LAMA3: variants seen among roughly 807,000 people sequenced by gnomAD.
LAMA3 encodes laminin subunit alpha-3.
LAMA3 carries 281 observed loss-of-function variants against 402.0 expected under a neutral mutation model. The ratio of observed to expected loss-of-function variants is 0.70; its 90% CI spans 0.63 to 0.77. The LOEUF (loss-of-function observed/expected upper bound fraction) is 0.77, where lower values mean the gene tolerates loss of function less well. Ranked by LOEUF, LAMA3 falls within the 30% of genes least tolerant of loss-of-function variation. LAMA3 has a pLI of 0.00. For synonymous variants in LAMA3, 1,431 were observed against 1,558.4 expected (o/e 0.92, Z 1.93); for missense variants, 3,840 against 4,215.5 (o/e 0.91, Z 2.47).
rs111888232 is a variant in LAMA3 at position 23,748,189 on chromosome 18, A to G, written c.565+129A>G. On this transcript the variant is annotated intron_variant, in intron 3 of 74. Transcript: ENST00000313654. ...CACCCCTATAATCCCAGCATTTTGG[A>G]AGGCCAAGGCGGGTGGATTACCTGA... is the stretch of plus-strand genomic sequence containing the variant. The G allele has an allele frequency of 6.0e-3, 4,314 of 719,198 alleles. 98 individuals carry two copies. Among genetic ancestry groups the G allele is most frequent in the African/African-American group, 0.045 (2,549 of 57,002 alleles). The allele number at this position is 719,198 out of a possible 1,614,324, so 44.6% of individuals were successfully genotyped here.
At chr18:23,692,147 G>C (rs2060601087) in intron 1 of LAMA3, among the ~76,000 whole-genome samples, 1 of 152,214 alleles carries the variant, frequency 6.6e-6, no homozygotes, top group Non-Finnish European at 1.5e-5. Flanking sequence ...TGGTACTATA[G>C]CTCTAGCTCT....
At chr18:23,853,253 T>C (rs547975688) in intron 32 of LAMA3, among the ~76,000 whole-genome samples, 52 of 152,284 alleles carry the variant, frequency 3.4e-4, no homozygotes, top group African/African-American at 1.2e-3. Context: ...ATGAGCATAA[T>C]ATGAAGGGCC....
At chr18:23,805,821 C>G (rs2062952204) in intron 12 of LAMA3, among the ~76,000 whole-genome samples, 1 of 152,154 alleles carries the variant, frequency 6.6e-6, no homozygotes, top group Non-Finnish European at 1.5e-5. Flanking sequence ...TTGGAAAAGG[C>G]TGGGAGAAAG....
chr18:23,894,095 C>T (rs559972595), intron 42 of LAMA3, among the ~76,000 whole-genome samples: 44 of 151,628 alleles, frequency 2.9e-4, no homozygotes, highest in African/African-American at 9.4e-4. Flanking sequence ...GAAGAGCTAG[C>T]GATGCTGGGT....
At chr18:23,827,522 TG>T in intron 23 of LAMA3, 55 bp downstream of exon 23, 1 of 1,580,678 alleles carries the variant, frequency 6.3e-7, no homozygotes. Context: ...CATCTGTATC[TG>T]CTAAAAATAC....
At chr18:23,867,988 T>A in intron 37 of LAMA3, 71 bp downstream of exon 37, 1 of 1,193,444 alleles carries the variant, frequency 8.4e-7, no homozygotes, top group Non-Finnish European at 1.3e-6. Flanking sequence ...ATCATGATTT[T>A]TACTCATTTT....
chr18:23,818,873 A>G (rs1472324724), intron 18 of LAMA3, among the ~76,000 whole-genome samples: 1 of 151,832 alleles, frequency 6.6e-6, no homozygotes. Flanking sequence ...TTTTTTTATA[A>G]TTTATCTCAT....
intron 2 of LAMA3, among the ~76,000 whole-genome samples, chr18:23,724,200 T>G (rs745326815): frequency 1.7e-4 from 26 of 152,246 alleles, no homozygotes; most frequent in Non-Finnish European, 2.8e-4. Context: ...TTGCTACGAA[T>G]GCTATTAATT....
intron 2 of LAMA3, 104 bp from the exon 3 acceptor site, chr18:23,747,839 T>G: frequency 1.3e-6 from 1 of 767,366 alleles, no homozygotes; most frequent in Non-Finnish European, 2.4e-6. Context: ...GAGCAAGGGA[T>G]TGTGGTGGGA....
chr18:23,951,047 A>G (rs1419518696), intron 72 of LAMA3, among the ~76,000 whole-genome samples: 1 of 152,220 alleles, frequency 6.6e-6, no homozygotes, highest in Non-Finnish European at 1.5e-5. Flanking sequence ...CTACATGCAA[A>G]TTAAATGTAA....
At chr18:23,774,297 A>G (rs1341366596) in intron 9 of LAMA3, among the ~76,000 whole-genome samples, 6 of 152,234 alleles carry the variant, frequency 3.9e-5, no homozygotes, top group Non-Finnish European at 7.3e-5. Context: ...TAATAGTCAC[A>G]TTGTTTAAAA....
At chr18:23,856,318 G>A (rs1050508022) in intron 32 of LAMA3, among the ~76,000 whole-genome samples, 2 of 152,138 alleles carry the variant, frequency 1.3e-5, no homozygotes, top group Non-Finnish European at 2.9e-5. Context: ...TGGTCACTGG[G>A]GTAAGATATT....
At chr18:23,797,603 T>C (rs753645558) in intron 12 of LAMA3, among the ~76,000 whole-genome samples, 3 of 152,084 alleles carry the variant, frequency 2.0e-5, no homozygotes, top group South Asian at 2.1e-4. Context: ...TAATCCCAGC[T>C]ACTCGGGAGG....
chr18:23,951,568 A>T (rs554049317), intron 72 of LAMA3, 116 bp from the exon 73 acceptor site: 84 of 748,648 alleles, frequency 1.1e-4, no homozygotes, highest in Non-Finnish European at 1.9e-4. Context: ...AGGAGGGCCA[A>T]TATCTAATGT....
chr18:23,902,417 G>T (rs2081103702), intron 48 of LAMA3, among the ~76,000 whole-genome samples: 1 of 152,108 alleles, frequency 6.6e-6, no homozygotes. Flanking sequence ...AATAACACAG[G>T]GCAGACCCCA....
intron 2 of LAMA3, among the ~76,000 whole-genome samples, chr18:23,720,557 T>C (rs1374003216): frequency 6.6e-6 from 1 of 152,130 alleles, no homozygotes; most frequent in Non-Finnish European, 1.5e-5. Flanking sequence ...GGTTTCACCA[T>C]GTTGATCAGG....
At chr18:23,740,868 C>T (rs1443956416) in intron 2 of LAMA3, among the ~76,000 whole-genome samples, 1 of 152,128 alleles carries the variant, frequency 6.6e-6, no homozygotes, top group Admixed American at 6.6e-5. Flanking sequence ...TGGAGTGATC[C>T]ACCTTCCCTC....
Position 23,833,924 on chromosome 18 carries a change from G to A in LAMA3, c.2920G>A (p.Val974Met). ...GGCAGCTCAGCTGTTTGTGGTTGAT[G>A]TGAATGTGAAGAGCTCCGGGTCTGT... ...TEAAQLFVVD[V>M]NVKSSGSVLA... The change falls in exon 24 of 75, where the codon GTG becomes ATG. Residue 974 changes from valine (V) to methionine (M), a missense_variant. Physicochemically the swap from Val to Met is conservative, Grantham distance 21 (BLOSUM62 1). Around this residue, in one of 3 missense-constraint regions of LAMA3, gnomAD observed 2,109 missense variants for 2,376.0 expected, o/e 0.89. Transcript: ENST00000313654. The A allele has an allele frequency of 6.2e-7, 1 of 1,614,230 alleles. No individual in the cohort carries two copies. The highest frequency in any genetic ancestry group is 8.5e-7 in the Non-Finnish European group (1 of 1,180,036).
At chr18:23,765,211 T>C (rs1019530848) in intron 8 of LAMA3, among the ~76,000 whole-genome samples, 2 of 152,326 alleles carry the variant, frequency 1.3e-5, no homozygotes, top group African/African-American at 4.8e-5. Context: ...CTGTGTTCTC[T>C]GAGGAACCAG....
Sources: gnomAD v4.1 joint callset for allele counts (sites outside exome capture counted in the v4.1 genomes callset) on GRCh38, gnomAD v4.1.1 for gene constraint, gnomAD v4.1.1 regional missense constraint, MANE v1.5 for transcripts, NCBI Gene and HGNC (gene_info 2026-07-23, HGNC 2026-07-21) for gene names.